The following KTN1 variants were observed in gnomAD, a reference collection of about 807,000 sequenced individuals.
KTN1 encodes kinectin 1.
KTN1 carries 130 observed loss-of-function variants against 222.5 expected under a neutral mutation model. The ratio of observed to expected loss-of-function variants is 0.58; its 90% CI spans 0.51 to 0.68. The LOEUF (loss-of-function observed/expected upper bound fraction) is 0.68, where lower values mean the gene tolerates loss of function less well. Among genes scored for constraint, KTN1 ranks in the 30% least tolerant of loss-of-function variants. KTN1 has a pLI of 0.00. For missense variants in KTN1, 1,508 were observed against 1,500.4 expected (o/e 1.01, Z -0.08); for synonymous variants, 512 against 496.3 (o/e 1.03, Z -0.42).
intron 24 of KTN1, chr14:55,651,606 A>G (rs1396585016): frequency 2.5e-6 from 1 of 405,338 alleles, no homozygotes; most frequent in Non-Finnish European, 4.5e-6. Flanking sequence ...TTCCTTCTCC[A>G]TCCCACTGCT....
rs981448739 is a variant in KTN1 at position 55,658,318 on chromosome 14, A to G, written c.2893-228A>G. ...TAAATTCTTAGAGCTATTTCGGTAT[A>G]TTTCTGGATTCTATTTTGTTCCATT... On this transcript the variant is annotated intron_variant, in intron 29 of 43. Coordinates refer to ENST00000395314, the MANE Select transcript of KTN1 (RefSeq NM_001079521.2). Among the ~76,000 whole-genome samples the G allele has an allele frequency of 4.6e-5, 7 of 152,214 alleles. No homozygotes were observed. The East Asian group carries it at 5.8e-4, about 13-fold the overall frequency.
chr14:55,660,012 T>C lies in KTN1; in HGVS notation c.2999+309T>C, dbSNP rs558676197. Among the ~76,000 whole-genome samples, 22 of 152,346 alleles carry C rather than the reference T, an allele frequency of 1.4e-4. No individual in the cohort carries two copies. The South Asian group carries it at 4.3e-3, about 30-fold the overall frequency. On this transcript the variant is annotated intron_variant, in intron 31 of 43. Transcript: ENST00000395314. ...AAATCACCTTCTATTATGTCAGTTA[T>C]CTTACTGGGTCTTCTTTCTTCTAGA...
chr14:55,588,938 T>C lies in KTN1; in HGVS notation c.-31+8584T>C, dbSNP rs554480597. ...GGTTTCCCTGTGAGTTTTTTTCATA[T>C]TGTTGCAGTCTCCAAAAAATTTTCC... On this transcript the variant is annotated intron_variant, in intron 1 of 43. Transcript: ENST00000395314. Among the ~76,000 whole-genome samples, 380 of 152,270 alleles carry C rather than the reference T, an allele frequency of 2.5e-3. 4 individuals are homozygous for C. The highest frequency in any genetic ancestry group is 3.4e-3 in the Middle Eastern group (1 of 294).
chr14:55,652,947 A>T lies in KTN1; in HGVS notation c.2694+7A>T, dbSNP rs1280642792. On this transcript the variant is annotated splice_region_variant and intron_variant, in intron 26 of 43. Coordinates refer to ENST00000395314, the MANE Select transcript of KTN1 (RefSeq NM_001079521.2). ...TACAGGGAAGTGGTTACAGGTGAGA[A>T]ATTAAAAACAATAAAAAATAGCCTT... The T allele has an allele frequency of 6.2e-7, 1 of 1,601,116 alleles. No individual in the cohort carries two copies. Among genetic ancestry groups the T allele is most frequent in the South Asian group, 1.1e-5 (1 of 89,720 alleles).
intron 3 of KTN1, 111 bp from the exon 4 acceptor site, chr14:55,617,853 C>G (rs946120235): frequency 3.9e-6 from 3 of 777,632 alleles, no homozygotes; most frequent in Non-Finnish European, 6.0e-6. Context: ...CCAATTTGAG[C>G]TACCAGTAAA....
chr14:55,646,249 T>C lies in KTN1; in HGVS notation c.2173-724T>C, dbSNP rs149755064. Among the ~76,000 whole-genome samples, 242 of 152,268 alleles carry C rather than the reference T, an allele frequency of 1.6e-3. 1 individual carries two copies. The East Asian group carries it at 0.043, about 27-fold the overall frequency. On this transcript the variant is annotated intron_variant, in intron 18 of 43. Transcript: ENST00000395314. ...AATTTACAATCAGTTTTAAAACATT[T>C]TATATCTTGATCTGGTTGGTAGTTA...
intron 19 of KTN1, among the ~76,000 whole-genome samples, chr14:55,647,633 CAAAAAA>C (rs35742930): frequency 3.0e-5 from 1 of 32,976 alleles, no homozygotes; most frequent in Non-Finnish European, 5.1e-5. Context: ...AACTCTGCCT[CAAAAAA>C]AAAAAAAAAA....
chr14:55,680,600 A>G, intron 43 of KTN1: 1 of 664,178 alleles, frequency 1.5e-6, no homozygotes, highest in South Asian at 1.4e-5. Flanking sequence ...TGGGCTATAC[A>G]AGGCCTCAGG....
Position 55,637,301 on chromosome 14 carries a change from G to A in KTN1, c.1653G>A (p.Met551Ile), listed in dbSNP as rs138403681. 291 of 1,611,190 alleles carry A rather than the reference G, an allele frequency of 1.8e-4. No homozygotes were observed. Among genetic ancestry groups the A allele is most frequent in the Non-Finnish European group, 2.4e-4 (284 of 1,178,214 alleles). ...AACAACAGTTGGAGCAAAGACTAAT[G>A]CAGTTAATGGAATCAGAGCAGAAAA... ...VSKQQLEQRL[M>I]QLMESEQKRV... The change falls in exon 11 of 44, where the codon ATG becomes ATA. Residue 551 changes from methionine to isoleucine, a missense_variant. Physicochemically the swap from Met to Ile is conservative, Grantham distance 10. Coordinates refer to ENST00000395314, the MANE Select transcript of KTN1 (RefSeq NM_001079521.2).
intron 41 of KTN1, among the ~76,000 whole-genome samples, chr14:55,677,646 C>T (rs1036499638): frequency 6.6e-6 from 1 of 151,968 alleles, no homozygotes; most frequent in Non-Finnish European, 1.5e-5. Context: ...GTTTGTGGGT[C>T]ACATATGATC....
At chr14:55,628,995 A>G (rs1843811628) in intron 6 of KTN1, among the ~76,000 whole-genome samples, 1 of 152,236 alleles carries the variant, frequency 6.6e-6, no homozygotes, top group Admixed American at 6.5e-5. Flanking sequence ...TTAGAGCAGG[A>G]ACATGATTAG....
chr14:55,631,341 G>GATTGATATAT (rs1555371423), intron 7 of KTN1, among the ~76,000 whole-genome samples: 4,023 of 114,574 alleles, frequency 0.035, 150 homozygotes, highest in East Asian at 0.088. Context: ...TGATAAGGTT[G>GATTGATATAT]ATATATATAT....
At chr14:55,629,845 TATC>T in intron 6 of KTN1, 109 bp from the exon 7 acceptor site, 1 of 772,250 alleles carries the variant, frequency 1.3e-6, no homozygotes, top group South Asian at 1.8e-5. Context: ...CTTAATGTTT[TATC>T]ATTCATGATT....
intron 2 of KTN1, among the ~76,000 whole-genome samples, chr14:55,613,854 C>G (rs2037966038): frequency 6.6e-6 from 1 of 151,802 alleles, no homozygotes; most frequent in Non-Finnish European, 1.5e-5. Context: ...GAAAAGGACA[C>G]GTAAGCCAGT....
At chr14:55,609,893 T>C (rs2037288530) in intron 1 of KTN1, among the ~76,000 whole-genome samples, 4 of 152,170 alleles carry the variant, frequency 2.6e-5, no homozygotes, top group Admixed American at 2.6e-4. Context: ...AAAAAAAAAT[T>C]CTGGGCTCTT....
intron 43 of KTN1, chr14:55,680,583 A>T: frequency 1.7e-6 from 1 of 573,168 alleles, no homozygotes; most frequent in Non-Finnish European, 3.4e-6. Context: ...CCCTGATAAT[A>T]CTGTGTTGGG....
rs1566788890 is a variant in KTN1, at chr14:55,646,496, TTTCCTTTCCTTTCCTTTCCTTTCCTTTCC to T, written c.2173-474_2173-446del. Among the ~76,000 whole-genome samples the T allele has an allele frequency of 4.4e-3, 501 of 113,972 alleles. 10 individuals are homozygous for T. The highest frequency in any genetic ancestry group is 6.9e-3 in the Non-Finnish European group (378 of 54,562). The allele number at this position is 113,972 out of a possible 152,430, so 74.8% of individuals were successfully genotyped here. A position where few individuals can be genotyped will look rare whatever the true frequency, so the allele number is the denominator to read the frequency against. On this transcript the variant is annotated intron_variant, in intron 18 of 43. Transcript: ENST00000395314. ...TTTCCTTTCCTTTCCTTTCCTTTCCTTTCCTTTCCTTTCCTTTCCTTTCCTTTCCTTTCCTTTCCTTTCCTTTCCTTCTC... is the reference window on the plus strand; with the variant it reads ...TTTCCTTTCCTTTCCTTTCCTTTCCTTTTCCTTTCCTTTCCTTTCCTTCTC...
chr14:55,633,101 T>C, intron 7 of KTN1, 134 bp from the exon 8 acceptor site: 3 of 469,168 alleles, frequency 6.4e-6, no homozygotes, highest in Non-Finnish European at 1.1e-5. Context: ...AATTTGTTTA[T>C]ATTTATTTGA....
chr14:55,656,226 G>T (rs2043454257), intron 29 of KTN1, 94 bp downstream of exon 29: 2 of 799,384 alleles, frequency 2.5e-6, no homozygotes, highest in East Asian at 5.4e-5. Flanking sequence ...ATAGAGTACA[G>T]AATGAGTCTC....
Sources: gnomAD v4.1 joint callset for allele counts (sites outside exome capture counted in the v4.1 genomes callset) on GRCh38, gnomAD v4.1.1 for gene constraint, MANE v1.5 for transcripts, NCBI Gene and HGNC (gene_info 2026-07-23, HGNC 2026-07-21) for gene names.